THUMPD3: variants seen among roughly 807,000 people sequenced by gnomAD.
The protein encoded by THUMPD3 is THUMP domain 3 tRNA guanosine methyltransferase.
Under a neutral mutation model 54.5 loss-of-function variants are expected in THUMPD3, and 44 were observed. The observed-to-expected ratio is 0.81, with a 90% confidence interval of 0.63 to 1.04. The LOEUF (loss-of-function observed/expected upper bound fraction) is 1.04, where lower values mean the gene tolerates loss of function less well. THUMPD3 is among the 50% of genes least tolerant of loss of function. THUMPD3 has a pLI of 0.00. For synonymous variants in THUMPD3, 196 were observed against 201.4 expected (o/e 0.97, Z 0.23); for missense variants, 604 against 601.3 (o/e 1.00, Z -0.05).
chr3:9,366,840 C>A, intron 2 of THUMPD3, 68 bp from the exon 3 acceptor site: 2 of 1,277,176 alleles, frequency 1.6e-6, no homozygotes, highest in South Asian at 1.4e-5. Flanking sequence ...TTTTTAAATA[C>A]TTAATTGTTG....
In THUMPD3 at chr3:9,385,411, CTCAAGT is replaced by C. The variant is rs1337328159; in HGVS notation, c.*726_*731del. ...CTTTGCAGCTTTGCTAATCCAGTTG[CTCAAGT>C]TCTTTACCTCAACCTGAAGGAATGA... On this transcript the variant is annotated 3_prime_UTR_variant, in exon 10 of 10. Transcript: ENST00000452837. The C allele has an allele frequency of 6.6e-6, 1 of 152,214 alleles. No homozygotes were observed. Among genetic ancestry groups the C allele is most frequent in the Non-Finnish European group, 1.5e-5 (1 of 68,052 alleles). The allele number at this position is 152,214 out of a possible 1,614,324, so 9.4% of individuals were successfully genotyped here. A position where few individuals can be genotyped will look rare whatever the true frequency, so the allele number is the denominator to read the frequency against.
chr3:9,371,004 ATTTG>A (rs2031992347), intron 3 of THUMPD3, 52 bp from the exon 4 acceptor site: 13 of 1,391,146 alleles, frequency 9.3e-6, no homozygotes, highest in African/African-American at 2.9e-5. Flanking sequence ...GTAGAGGTTT[ATTTG>A]TTTGATTATA....
chr3:9,370,723 G>A (rs1026637704), intron 3 of THUMPD3, among the ~76,000 whole-genome samples: 1 of 152,166 alleles, frequency 6.6e-6, no homozygotes, highest in Non-Finnish European at 1.5e-5. Flanking sequence ...TGGGATTACA[G>A]GCATGAGCCA....
chr3:9,368,201 C>T (rs912498213), intron 3 of THUMPD3, among the ~76,000 whole-genome samples: 1 of 151,738 alleles, frequency 6.6e-6, no homozygotes, highest in Non-Finnish European at 1.5e-5. Context: ...CCCCACCCCC[C>T]TCTTTTAAAA....
chr3:9,381,273 A>G (rs1283209309), intron 7 of THUMPD3, among the ~76,000 whole-genome samples: 1 of 152,230 alleles, frequency 6.6e-6, no homozygotes, highest in Non-Finnish European at 1.5e-5. Context: ...TCGTATAGAA[A>G]TACTGCAGTT....
At chr3:9,375,810 T>C (rs371155576) in intron 5 of THUMPD3, among the ~76,000 whole-genome samples, 173 of 152,342 alleles carry the variant, frequency 1.1e-3, no homozygotes, top group African/African-American at 3.9e-3. Context: ...AGCATGTTAT[T>C]GTACTGAATA....
chr3:9,375,746 T>A (rs925653180), intron 5 of THUMPD3, among the ~76,000 whole-genome samples: 1 of 152,244 alleles, frequency 6.6e-6, no homozygotes, highest in African/African-American at 2.4e-5. Context: ...TGTAGCCTAC[T>A]ACACACCTGG....
At chr3:9,383,057 TA>T (rs1380938749) in intron 7 of THUMPD3, 141 bp from the exon 8 acceptor site, 13 of 550,868 alleles carry the variant, frequency 2.4e-5, no homozygotes, top group Non-Finnish European at 4.2e-5. Context: ...TGCCATTTCT[TA>T]AATTTTGAAT....
rs1295897841 is a variant in THUMPD3 at position 9,386,124 on chromosome 3, C to A, written c.*1436C>A. The stretch of plus-strand genomic sequence containing the variant: ...GAAGAGTTCACATTAGCAGCACAGC[C>A]AGCAATCCTCATCTGGTTTCTCTGA... On this transcript the variant is annotated 3_prime_UTR_variant, in exon 10 of 10. Transcript: ENST00000452837. The A allele has an allele frequency of 6.6e-6, 1 of 152,202 alleles. No individual in the cohort carries two copies. The highest frequency in any genetic ancestry group is 2.4e-5 in the African/African-American group (1 of 41,440). 9.4% of individuals were successfully genotyped at this position (152,202 alleles called of 1,614,324 possible).
intron 9 of THUMPD3, 77 bp downstream of exon 9, chr3:9,384,412 G>T: frequency 1.3e-6 from 2 of 1,596,282 alleles, no homozygotes; most frequent in Non-Finnish European, 1.7e-6. Flanking sequence ...TGTTTGTTTG[G>T]ATAAGATTTG....
rs372820839 is a variant in THUMPD3, at chr3:9,386,048, A to T, written c.*1360A>T. The T allele has an allele frequency of 1.1e-4, 16 of 152,266 alleles. No individual in the cohort carries two copies. The highest frequency in any genetic ancestry group is 7.7e-4 in the East Asian group (4 of 5,186). 9.4% of individuals were successfully genotyped at this position (152,266 alleles called of 1,614,324 possible). A position where few individuals can be genotyped will look rare whatever the true frequency, so the allele number is the denominator to read the frequency against. On this transcript the variant is annotated 3_prime_UTR_variant, in exon 10 of 10. Coordinates refer to ENST00000452837, the MANE Select transcript of THUMPD3 (RefSeq NM_001114092.2). ...TTAGTATTATAATAGTACTCCTCTT[A>T]ATACTTTCTGATGTCTCCATTGAGA...
At position 9,385,526 on chromosome 3, in the gene THUMPD3, A is replaced by G. The variant is rs2033274128; in HGVS notation, c.*838A>G. The G allele has an allele frequency of 2.0e-5, 3 of 152,246 alleles. No individual in the cohort carries two copies. Among genetic ancestry groups the G allele is most frequent in the Non-Finnish European group, 4.4e-5 (3 of 68,052 alleles). 9.4% of individuals were successfully genotyped at this position (152,246 alleles called of 1,614,324 possible). A position where few individuals can be genotyped will look rare whatever the true frequency, so the allele number is the denominator to read the frequency against. On this transcript the variant is annotated 3_prime_UTR_variant, in exon 10 of 10. Transcript: ENST00000452837. ...ATAGGAAAGTTTACCATCTGCCTTA[A>G]ATATTAAAATATCCATCTGTTATTC...
At chr3:9,383,372 AAGTC>A (rs2125335313) in intron 8 of THUMPD3, 63 bp downstream of exon 8, 4 of 1,307,392 alleles carry the variant, frequency 3.1e-6, no homozygotes, top group East Asian at 2.3e-5. Context: ...CGTTTATTCT[AAGTC>A]AGGAAAAAAA....
At chr3:9,367,938 G>A (rs943892517) in intron 3 of THUMPD3, among the ~76,000 whole-genome samples, 1 of 151,998 alleles carries the variant, frequency 6.6e-6, no homozygotes, top group Non-Finnish European at 1.5e-5. Context: ...AGTGGTGGGC[G>A]CCTGTAGTCC....
In THUMPD3 at chr3:9,381,974, G is replaced by T. The variant is rs138491257; in HGVS notation, c.1125-1225G>T. 1.6e-3 allele frequency among the ~76,000 whole-genome samples: 242 copies of T among 150,856 alleles called. 1 individual carries two copies. The highest frequency in any genetic ancestry group is 5.5e-3 in the African/African-American group (226 of 41,104). ...TTTTTTTTGTATTTTTAGTAGAGAC[G>T]GGTTTTCACCATGTTAGCCAGGATG... On this transcript the variant is annotated intron_variant, in intron 7 of 9. Transcript: ENST00000452837.
intron 7 of THUMPD3, among the ~76,000 whole-genome samples, chr3:9,382,199 T>C (rs2032977829): frequency 6.6e-6 from 1 of 152,228 alleles, no homozygotes; most frequent in Admixed American, 6.5e-5. Flanking sequence ...TTAAAAATTA[T>C]GTAATGATTG....
intron 6 of THUMPD3, among the ~76,000 whole-genome samples, chr3:9,378,891 T>G (rs910024550): frequency 6.6e-6 from 1 of 152,062 alleles, no homozygotes; most frequent in Non-Finnish European, 1.5e-5. Context: ...AATCATGATA[T>G]GTGTATGAAA....
chr3:9,365,468 G>T, intron 2 of THUMPD3, 148 bp downstream of exon 2: 3 of 970,566 alleles, frequency 3.1e-6, no homozygotes, highest in Non-Finnish European at 4.4e-6. Context: ...TTTCTATTGA[G>T]TACTGATTTG....
rs564805202 is a variant in THUMPD3 at position 9,366,805 on chromosome 3, C to T, written c.253-103C>T. On this transcript the variant is annotated intron_variant, in intron 2 of 9. Coordinates refer to ENST00000452837, the MANE Select transcript of THUMPD3 (RefSeq NM_001114092.2). ...TAAAAATACAAAATATAGTTAGTAGCTGCTTTAAAACTATCATTCCTAATT... is the reference window on the plus strand; with the variant it reads ...TAAAAATACAAAATATAGTTAGTAGTTGCTTTAAAACTATCATTCCTAATT... 2.2e-5 allele frequency: 19 copies of T among 864,472 alleles called. No homozygotes were observed. The African/African-American group carries it at 3.1e-4, about 14-fold the overall frequency. The allele number at this position is 864,472 out of a possible 1,614,324, so 53.6% of individuals were successfully genotyped here.
Sources: allele counts gnomAD v4.1 joint callset (sites outside exome capture counted in the v4.1 genomes callset), GRCh38; gene constraint gnomAD v4.1.1; transcripts MANE v1.5; gene names NCBI Gene and HGNC (gene_info 2026-07-23, HGNC 2026-07-21).